Variants in RPS6KA2 observed in about 807,000 individuals in gnomAD.
RPS6KA2 encodes the protein ribosomal protein S6 kinase alpha-2.
Under a neutral mutation model 91.8 loss-of-function variants are expected in RPS6KA2, and 42 were observed. That is an observed-to-expected ratio of 0.46 (90% CI 0.36 to 0.59). The LOEUF (loss-of-function observed/expected upper bound fraction) is 0.59, where lower values mean the gene tolerates loss of function less well. RPS6KA2 is among the 20% of genes least tolerant of loss of function. The pLI, the probability that RPS6KA2 is intolerant of heterozygous loss-of-function variation, is 0.00. For synonymous variants in RPS6KA2, 414 were observed against 393.6 expected (o/e 1.05, Z -0.61); for missense variants, 798 against 978.5 (o/e 0.82, Z 2.46).
intron 2 of RPS6KA2, among the ~76,000 whole-genome samples, chr6:166,718,342 A>G (rs1319739512): frequency 1.3e-5 from 2 of 152,062 alleles, no homozygotes; most frequent in South Asian, 4.2e-4. Flanking sequence ...GTGCCGATGT[A>G]GGAAATAATG....
At chr6:166,486,469 T>C (rs907710109) in intron 10 of RPS6KA2, among the ~76,000 whole-genome samples, 2 of 152,250 alleles carry the variant, frequency 1.3e-5, no homozygotes, top group Admixed American at 6.5e-5. Context: ...TCCACAGCAC[T>C]GTTGGTGAAT....
chr6:166,414,004 G>C, intron 19 of RPS6KA2, 73 bp from the exon 20 acceptor site: 1 of 1,430,684 alleles, frequency 7.0e-7, no homozygotes, highest in Non-Finnish European at 9.7e-7. Context: ...CTCCCCAGCA[G>C]AACTCCTCTC....
chr6:166,596,297 A>C (rs1239512425), intron 1 of RPS6KA2, among the ~76,000 whole-genome samples: 1 of 152,182 alleles, frequency 6.6e-6, no homozygotes, highest in African/African-American at 2.4e-5. Flanking sequence ...GATGCAAAGT[A>C]TTGTTCCTGG....
chr6:166,681,683 C>A (rs1474459115), intron 2 of RPS6KA2, among the ~76,000 whole-genome samples: 3 of 33,278 alleles, frequency 9.0e-5, no homozygotes, highest in African/African-American at 1.8e-4. Context: ...TGGATCTCCC[C>A]CTGCCCGCCC....
At chr6:166,686,713 T>C (rs1382893185) in intron 2 of RPS6KA2, among the ~76,000 whole-genome samples, 1 of 152,240 alleles carries the variant, frequency 6.6e-6, no homozygotes, top group East Asian at 1.9e-4. Flanking sequence ...TGTATCTCCA[T>C]GGTACCTATG....
chr6:166,773,221 G>A (rs1049690777), intron 2 of RPS6KA2, among the ~76,000 whole-genome samples: 1 of 152,160 alleles, frequency 6.6e-6, no homozygotes, highest in Non-Finnish European at 1.5e-5. Flanking sequence ...ATCTGTGACT[G>A]TGCAGGTTGG....
chr6:166,739,361 G>T (rs1583064065), intron 2 of RPS6KA2, among the ~76,000 whole-genome samples: 1 of 152,302 alleles, frequency 6.6e-6, no homozygotes, highest in South Asian at 2.1e-4. Flanking sequence ...TCTAGGTAAG[G>T]ATCCCTAACT....
chr6:166,726,432 C>T lies in RPS6KA2; in HGVS notation c.123+131768G>A, dbSNP rs997243726. Among the ~76,000 whole-genome samples, 4 of 152,176 alleles carry T rather than the reference C, an allele frequency of 2.6e-5. No individual in the cohort carries two copies. The highest frequency in any genetic ancestry group is 4.4e-5 in the Non-Finnish European group (3 of 68,040). ...ACTTAGCAAACTCTTAGTCACCTCC[C>T]GAGAGCCCAGACCCTGTAGCAGAGG... is the stretch of plus-strand genomic sequence containing the variant. On this transcript the variant is annotated intron_variant, in intron 2 of 21. Transcript: ENST00000503859. The surrounding 1 kb of genome is among the most constrained non-coding windows in gnomAD (Gnocchi z 4.4).
At chr6:166,830,079 C>T (rs1051840261) in intron 2 of RPS6KA2, among the ~76,000 whole-genome samples, 11 of 146,822 alleles carry the variant, frequency 7.5e-5, no homozygotes, top group Non-Finnish European at 7.4e-5. Flanking sequence ...GAGCCGAGAT[C>T]GCACCATTGC....
chr6:166,517,458 T>TA (rs1782690577), intron 3 of RPS6KA2, among the ~76,000 whole-genome samples: 1 of 16,264 alleles, frequency 6.1e-5, no homozygotes, highest in South Asian at 2.1e-3. Context: ...TTGTTTTGTT[T>TA]TTTTTTTTTT....
chr6:166,728,320 C>T (rs1260281991), intron 2 of RPS6KA2, among the ~76,000 whole-genome samples: 1 of 152,208 alleles, frequency 6.6e-6, no homozygotes, highest in Non-Finnish European at 1.5e-5. Context: ...GGCAGAGACC[C>T]AGGTTCCACG....
At chr6:166,630,692 G>A (rs1401328044), upstream of RPS6KA2, among the ~76,000 whole-genome samples, 1 of 152,208 alleles carries the variant, frequency 6.6e-6, no homozygotes, top group African/African-American at 2.4e-5. Context: ...GCTTCAGTGT[G>A]TGCCCCTGTG....
At chr6:166,438,298 C>T (rs533336343) in intron 14 of RPS6KA2, among the ~76,000 whole-genome samples, 6 of 152,188 alleles carry the variant, frequency 3.9e-5, no homozygotes, top group Non-Finnish European at 7.3e-5. Context: ...GCAAATTACA[C>T]ACACAGTGTG....
chr6:166,858,758 A>G (rs531228901), intron 1 of RPS6KA2, among the ~76,000 whole-genome samples: 1 of 152,358 alleles, frequency 6.6e-6, no homozygotes, highest in South Asian at 2.1e-4. Context: ...TAAAACGTAA[A>G]GCAAGTGTTT....
intron 2 of RPS6KA2, among the ~76,000 whole-genome samples, chr6:166,722,673 T>C (rs1790213185): frequency 6.6e-6 from 1 of 152,240 alleles, no homozygotes. Flanking sequence ...CCCGAGCTTG[T>C]TGTGGATGCG....
At chr6:166,670,077 G>A (rs1788428564) in intron 2 of RPS6KA2, among the ~76,000 whole-genome samples, 1 of 152,262 alleles carries the variant, frequency 6.6e-6, no homozygotes, top group Non-Finnish European at 1.5e-5. Flanking sequence ...CCTCACAGAG[G>A]TGCAAATGGC....
At chr6:166,645,616 C>T (rs931187043) in intron 2 of RPS6KA2, among the ~76,000 whole-genome samples, 1 of 152,226 alleles carries the variant, frequency 6.6e-6, no homozygotes. Flanking sequence ...CCCTGCCATG[C>T]TCACGGGAAT....
At chr6:166,550,669 A>G (rs542934759) in intron 1 of RPS6KA2, among the ~76,000 whole-genome samples, 1 of 152,260 alleles carries the variant, frequency 6.6e-6, no homozygotes, top group African/African-American at 2.4e-5. Context: ...GTGGGTGGCA[A>G]CAATTTACTG....
chr6:166,472,155 G>A (rs1415351739), intron 10 of RPS6KA2, among the ~76,000 whole-genome samples: 2 of 152,192 alleles, frequency 1.3e-5, no homozygotes, highest in African/African-American at 4.8e-5. Flanking sequence ...TGGACGCATG[G>A]CCAGAGGCAC....
Sources: allele counts gnomAD v4.1 joint callset (sites outside exome capture counted in the v4.1 genomes callset), GRCh38; gene constraint gnomAD v4.1.1; non-coding constraint Gnocchi (gnomAD v3.1); transcripts MANE v1.5; gene names NCBI Gene and HGNC (gene_info 2026-07-23, HGNC 2026-07-21).